The following CACNA2D2 variants were observed in gnomAD, a reference collection of about 807,000 sequenced individuals.
The protein encoded by CACNA2D2 is voltage-dependent calcium channel subunit alpha-2/delta-2.
In CACNA2D2, 48 loss-of-function variants were observed where a neutral mutation model predicts 166.4. The observed-to-expected ratio is 0.29, with a 90% CI of 0.23 to 0.37. The LOEUF (loss-of-function observed/expected upper bound fraction) is 0.37, where lower values mean the gene tolerates loss of function less well. CACNA2D2 is among the 10% of genes least tolerant of loss of function. The probability of loss-of-function intolerance (pLI) is 1.00; values close to 1 mark genes in which losing one functional copy is unlikely to be tolerated. For missense variants in CACNA2D2, 1,122 were observed against 1,433.0 expected (o/e 0.78, Z 3.50); for synonymous variants, 561 against 573.7 (o/e 0.98, Z 0.32).
At chr3:50,416,156 AT>A (rs1707253880) in intron 3 of CACNA2D2, 1 of 152,262 alleles carries the variant, frequency 6.6e-6, no homozygotes, top group African/African-American at 2.4e-5. Context: ...GGCTGAGCCC[AT>A]TTGGGGCTTG....
rs59336240 is a variant in CACNA2D2 at position 50,362,635 on chromosome 3, TTA to T, written c.*2029_*2030del. 0.1 allele frequency among the ~76,000 whole-genome samples: 15,262 copies of T among 152,058 alleles called. 2,225 individuals are homozygous for T. The highest frequency in any genetic ancestry group is 0.62 in the East Asian group (3,199 of 5,140). ...ATGTATGTCAAGGGCCTGGCACCTA[TTA>T]TAACTGGTGGAAGCAAGTGCCATGC... is the stretch of plus-strand genomic sequence containing the variant. On this transcript the variant is annotated 3_prime_UTR_variant, in exon 38 of 38. Coordinates refer to ENST00000424201, the MANE Select transcript of CACNA2D2 (RefSeq NM_006030.4).
At chr3:50,499,731 A>G (rs1264663622) in intron 1 of CACNA2D2, among the ~76,000 whole-genome samples, 1 of 152,274 alleles carries the variant, frequency 6.6e-6, no homozygotes, top group African/African-American at 2.4e-5. Context: ...CCATGGGGAC[A>G]TGAGTGTGAC....
intron 3 of CACNA2D2, among the ~76,000 whole-genome samples, chr3:50,396,949 A>T (rs1266278931): frequency 6.6e-6 from 1 of 152,148 alleles, no homozygotes; most frequent in Non-Finnish European, 1.5e-5. Flanking sequence ...CACTAGTGGG[A>T]GTCTCCAGGC....
rs745496102 is a variant in CACNA2D2 at position 50,379,080 on chromosome 3, G to A, written c.1260+12C>T. The stretch of plus-strand genomic sequence containing the variant: ...CCAGGTCAGGGTAGCCCCTGCCTCG[G>A]TTGAGCCTCACCGTCCGGTTTGGCC... On this transcript the variant is annotated intron_variant, in intron 12 of 37. Transcript: ENST00000424201. This position sits in a 1 kb window ranked among gnomAD's most constrained non-coding sequence, Gnocchi z 6.5. The A allele has an allele frequency of 1.2e-6, 2 of 1,613,560 alleles. No homozygotes were observed. The highest frequency in any genetic ancestry group is 1.7e-6 in the Non-Finnish European group (2 of 1,179,592).
chr3:50,367,806 G>A lies in CACNA2D2; in HGVS notation c.2234+6C>T, dbSNP rs376142487. ...CTTCTGCCCCCACAGGCTGGGTGATGCCTACGTGTTGAGATCCTGGTCCCT... is the reference window on the plus strand; with the variant it reads ...CTTCTGCCCCCACAGGCTGGGTGATACCTACGTGTTGAGATCCTGGTCCCT... On this transcript the variant is annotated splice_donor_region_variant and intron_variant, in intron 25 of 37. Transcript: ENST00000424201. This position sits in a 1 kb window ranked among gnomAD's most constrained non-coding sequence, Gnocchi z 6.5. 2.5e-5 allele frequency: 40 copies of A among 1,612,838 alleles called. No homozygotes were observed. Among genetic ancestry groups the A allele is most frequent in the Non-Finnish European group, 3.4e-5 (40 of 1,179,444 alleles).
At chr3:50,496,332 TAC>T (rs1455954779) in intron 1 of CACNA2D2, among the ~76,000 whole-genome samples, 2 of 152,130 alleles carry the variant, frequency 1.3e-5, no homozygotes, top group Non-Finnish European at 2.9e-5. Flanking sequence ...CATGTGTGAG[TAC>T]AAACACACGC....
At chr3:50,426,022 C>T (rs1026548792) in intron 3 of CACNA2D2, among the ~76,000 whole-genome samples, 13 of 152,288 alleles carry the variant, frequency 8.5e-5, no homozygotes, top group South Asian at 2.1e-4. Flanking sequence ...GCCCTCCACC[C>T]GGCTTTCTCA....
At chr3:50,431,802 T>C (rs184504774) in intron 3 of CACNA2D2, among the ~76,000 whole-genome samples, 87 of 151,976 alleles carry the variant, frequency 5.7e-4, no homozygotes, top group Non-Finnish European at 1.0e-3. Context: ...CTAGCCAACA[T>C]AGTGAAATGC....
At chr3:50,401,868 A>G (rs1001767166) in intron 3 of CACNA2D2, among the ~76,000 whole-genome samples, 1 of 151,702 alleles carries the variant, frequency 6.6e-6, no homozygotes, top group Non-Finnish European at 1.5e-5. Context: ...ACGCTTGGAT[A>G]ATTTTTGTAT....
chr3:50,429,345 G>C (rs895568215), intron 3 of CACNA2D2, among the ~76,000 whole-genome samples: 1 of 152,094 alleles, frequency 6.6e-6, no homozygotes, highest in Non-Finnish European at 1.5e-5. Context: ...AGCGACCTGT[G>C]TGAGGATTCA....
At chr3:50,397,040 C>T (rs1288814097) in intron 3 of CACNA2D2, among the ~76,000 whole-genome samples, 2 of 152,190 alleles carry the variant, frequency 1.3e-5, no homozygotes, top group Non-Finnish European at 2.9e-5. Context: ...TCTTAGGGCT[C>T]AGCTCTGACC....
chr3:50,398,332 C>T (rs1706263704), intron 3 of CACNA2D2, among the ~76,000 whole-genome samples: 1 of 152,162 alleles, frequency 6.6e-6, no homozygotes, highest in Non-Finnish European at 1.5e-5. Flanking sequence ...TCCCAGGCCA[C>T]TCCTGCCCAG....
In CACNA2D2 at chr3:50,375,583, C is replaced by A; in HGVS notation, c.1907+61G>T. 6.3e-7 allele frequency: 1 copy of A among 1,575,360 alleles called. No individual in the cohort carries two copies. The highest frequency in any genetic ancestry group is 8.7e-7 in the Non-Finnish European group (1 of 1,149,946). On this transcript the variant is annotated intron_variant, in intron 21 of 37. Coordinates refer to ENST00000424201, the MANE Select transcript of CACNA2D2 (RefSeq NM_006030.4). This position sits in a 1 kb window ranked among gnomAD's most constrained non-coding sequence, Gnocchi z 4.0. The stretch of plus-strand genomic sequence containing the variant: ...TCACAGTGGGAGAGGGAGGGGACAG[C>A]TGGGCTCAGATTCTGGGGCCACCCC...
chr3:50,473,808 A>G (rs906697195), intron 2 of CACNA2D2, among the ~76,000 whole-genome samples: 1 of 152,182 alleles, frequency 6.6e-6, no homozygotes, highest in Non-Finnish European at 1.5e-5. Context: ...ACCTCACCAG[A>G]GTGCCCCGTG....
intron 24 of CACNA2D2, 58 bp downstream of exon 24, chr3:50,368,080 G>C: frequency 3.7e-6 from 5 of 1,368,210 alleles, no homozygotes; most frequent in Non-Finnish European, 5.2e-6. Context: ...GGTTCCTCTG[G>C]GCTGGCCCCA....
chr3:50,416,531 C>G (rs1049023157), intron 3 of CACNA2D2, among the ~76,000 whole-genome samples: 1 of 152,152 alleles, frequency 6.6e-6, no homozygotes, highest in African/African-American at 2.4e-5. Flanking sequence ...CTCCAGGGTG[C>G]CCCCCTGAGG....
chr3:50,448,268 C>T (rs1187325506), intron 2 of CACNA2D2, among the ~76,000 whole-genome samples: 1 of 152,162 alleles, frequency 6.6e-6, no homozygotes, highest in Non-Finnish European at 1.5e-5. Context: ...TAGTATTACG[C>T]TTTGTGGAGT....
intron 23 of CACNA2D2, among the ~76,000 whole-genome samples, chr3:50,369,428 CCCA>C (rs1367145949): frequency 1.3e-5 from 2 of 152,216 alleles, no homozygotes; most frequent in Non-Finnish European, 1.5e-5. Context: ...CAGAGCCACC[CCCA>C]CATTTATGCT....
chr3:50,479,223 T>C (rs1697939112), intron 1 of CACNA2D2, among the ~76,000 whole-genome samples: 1 of 152,128 alleles, frequency 6.6e-6, no homozygotes, highest in Non-Finnish European at 1.5e-5. Context: ...ACCCTGAGGC[T>C]GAGTAGCTCT....
Sources: allele counts gnomAD v4.1 joint callset (sites outside exome capture counted in the v4.1 genomes callset), GRCh38; gene constraint gnomAD v4.1.1; non-coding constraint Gnocchi (gnomAD v3.1); transcripts MANE v1.5; gene names NCBI Gene and HGNC (gene_info 2026-07-23, HGNC 2026-07-21).